The following DLG1 variants were observed in gnomAD, a reference collection of about 807,000 sequenced individuals.
DLG1 encodes the protein disks large homolog 1.
DLG1 carries 42 observed loss-of-function variants against 123.4 expected under a neutral mutation model. The observed-to-expected ratio is 0.34, with a 90% CI of 0.27 to 0.44. The LOEUF is 0.44. Ranked by LOEUF, DLG1 falls within the 20% of genes least tolerant of loss-of-function variation. The pLI is 1.00. For synonymous variants in DLG1, 317 were observed against 356.2 expected, an observed-to-expected ratio of 0.89 and a Z score of 1.24; for missense variants, 942 against 1,082.6, an observed-to-expected ratio of 0.87 and a Z score of 1.82.
intron 5 of DLG1, among the ~76,000 whole-genome samples, chr3:197,163,687 A>ATTTTTTTTCTTT (rs1799828876): frequency 9.8e-6 from 1 of 102,034 alleles, no homozygotes; most frequent in Non-Finnish European, 1.9e-5. Context: ...ATGCTCAGCT[A>ATTTTTTTTCTTT]TTTTTTTTTT....
rs549017990 is a variant in DLG1, at chr3:197,204,465, T to C, written c.319-9876A>G. 2.0e-5 allele frequency among the ~76,000 whole-genome samples: 3 copies of C among 152,348 alleles called. No homozygotes were observed. In the South Asian group the frequency reaches 6.2e-4, roughly 32 times the overall value. Reference sequence around the variant, plus strand: ...TTGTGATAGGAACTACAGAATGATTTTCCCTCATCCATCAGTGTGTTAATA... The same window carrying C: ...TTGTGATAGGAACTACAGAATGATTCTCCCTCATCCATCAGTGTGTTAATA... On this transcript the variant is annotated intron_variant, in intron 4 of 24. Coordinates refer to ENST00000667157, the MANE Select transcript of DLG1 (RefSeq NM_001366207.1).
chr3:197,145,565 C>T (rs984678280), intron 6 of DLG1, among the ~76,000 whole-genome samples: 2 of 152,174 alleles, frequency 1.3e-5, no homozygotes, highest in African/African-American at 4.8e-5. Flanking sequence ...ATTTTATTTT[C>T]GAAAACATTT....
chr3:197,282,119 G>A (rs1280860225), intron 4 of DLG1, among the ~76,000 whole-genome samples: 1 of 152,140 alleles, frequency 6.6e-6, no homozygotes, highest in Non-Finnish European at 1.5e-5. Context: ...CTGGGCAACA[G>A]TATAACACAC....
At chr3:197,189,743 A>G (rs993274539) in intron 5 of DLG1, among the ~76,000 whole-genome samples, 2 of 152,250 alleles carry the variant, frequency 1.3e-5, no homozygotes, top group Non-Finnish European at 2.9e-5. Context: ...TGATTATCAT[A>G]ATATCCTAAG....
In DLG1 at chr3:197,232,408, C is replaced by A. The variant is rs142170453; in HGVS notation, c.319-37819G>T. The stretch of plus-strand genomic sequence containing the variant: ...TGCAAGAAGAGCCATGCTAATGATA[C>A]TGCTCATGGTAACAAAAAGAAAACT... On this transcript the variant is annotated intron_variant, in intron 4 of 24. Transcript: ENST00000667157. Among the ~76,000 whole-genome samples, 200 of 147,758 alleles carry A rather than the reference C, an allele frequency of 1.4e-3. 1 individual carries two copies. The highest frequency in any genetic ancestry group is 4.7e-3 in the African/African-American group (191 of 40,420).
intron 4 of DLG1, among the ~76,000 whole-genome samples, chr3:197,258,379 CA>C (rs1757768268): frequency 8.3e-6 from 1 of 120,352 alleles, no homozygotes; most frequent in Non-Finnish European, 1.6e-5. Context: ...TTGTCATTTG[CA>C]AACGTTTTAA....
chr3:197,164,479 T>G (rs576686666), intron 5 of DLG1, among the ~76,000 whole-genome samples: 1 of 152,060 alleles, frequency 6.6e-6, no homozygotes, highest in Non-Finnish European at 1.5e-5. Flanking sequence ...AAAGCCTATG[T>G]TTTAAGGTAC....
intron 24 of DLG1, among the ~76,000 whole-genome samples, chr3:197,045,398 T>G (rs920617518): frequency 6.6e-6 from 1 of 152,136 alleles, no homozygotes; most frequent in Non-Finnish European, 1.5e-5. Context: ...AAAAACAAAG[T>G]ATCGCTAGAC....
chr3:197,068,468 A>C (rs1460634264), intron 19 of DLG1: 1 of 1,448,590 alleles, frequency 6.9e-7, no homozygotes, highest in Non-Finnish European at 9.5e-7. Flanking sequence ...GTCAACATGA[A>C]AAAGTATTAG....
intron 4 of DLG1, among the ~76,000 whole-genome samples, chr3:197,217,687 A>G (rs1272084165): frequency 6.6e-6 from 1 of 152,246 alleles, no homozygotes; most frequent in Non-Finnish European, 1.5e-5. Context: ...AAAATAGAAC[A>G]TATTTTATGG....
At chr3:197,111,979 T>C (rs1053065301) in intron 13 of DLG1, among the ~76,000 whole-genome samples, 3 of 152,224 alleles carry the variant, frequency 2.0e-5, no homozygotes, top group Non-Finnish European at 4.4e-5. Flanking sequence ...AAAGTGTTTT[T>C]GTTGATGTAT....
chr3:197,059,806 CTG>C, intron 23 of DLG1, 81 bp downstream of exon 23: 1 of 848,000 alleles, frequency 1.2e-6, no homozygotes, highest in Non-Finnish European at 1.9e-6. Flanking sequence ...TATAGATAAA[CTG>C]AGATGCAGGG....
chr3:197,145,614 G>A (rs543341913), intron 6 of DLG1, among the ~76,000 whole-genome samples: 20 of 152,116 alleles, frequency 1.3e-4, no homozygotes, highest in Non-Finnish European at 2.1e-4. Context: ...TGGCATTAAC[G>A]TAAAATTTTG....
chr3:197,179,409 C>T (rs552365260), intron 5 of DLG1, among the ~76,000 whole-genome samples: 6 of 152,036 alleles, frequency 3.9e-5, no homozygotes, highest in African/African-American at 9.7e-5. Flanking sequence ...CTTTGGGGCA[C>T]CTCCCTTAAA....
intron 4 of DLG1, among the ~76,000 whole-genome samples, chr3:197,215,202 A>C (rs572321330): frequency 6.6e-6 from 1 of 152,320 alleles, no homozygotes; most frequent in South Asian, 2.1e-4. Context: ...GTAATGGCAC[A>C]GGGTTAGACA....
At chr3:197,113,556 T>A (rs1190786459) in intron 13 of DLG1, among the ~76,000 whole-genome samples, 1 of 152,200 alleles carries the variant, frequency 6.6e-6, no homozygotes, top group Non-Finnish European at 1.5e-5. Context: ...TGTCTCATAT[T>A]AAGACAGTAG....
intron 4 of DLG1, among the ~76,000 whole-genome samples, chr3:197,270,527 G>T (rs1382077821): frequency 6.6e-6 from 1 of 152,008 alleles, no homozygotes; most frequent in Non-Finnish European, 1.5e-5. Flanking sequence ...TGTTATAGAA[G>T]AATGCCAACT....
chr3:197,194,105 C>G (rs187228132), intron 5 of DLG1, among the ~76,000 whole-genome samples: 56 of 152,222 alleles, frequency 3.7e-4, no homozygotes, highest in African/African-American at 1.3e-3. Context: ...TGCACTGTTT[C>G]TATACCAACT....
intron 4 of DLG1, among the ~76,000 whole-genome samples, chr3:197,250,095 AAAGG>A (rs1428917764): frequency 8.5e-5 from 13 of 152,238 alleles, no homozygotes; most frequent in African/African-American, 3.1e-4. Flanking sequence ...CCAAAATTGA[AAAGG>A]AAGAAGTCAA....
Sources: allele counts gnomAD v4.1 joint callset (sites outside exome capture counted in the v4.1 genomes callset), GRCh38; gene constraint gnomAD v4.1.1; transcripts MANE v1.5; gene names NCBI Gene and HGNC (gene_info 2026-07-23, HGNC 2026-07-21).